LRRC4C: variants seen among roughly 807,000 people sequenced by gnomAD.
The protein encoded by LRRC4C is leucine rich repeat containing 4C.
In LRRC4C, 5 loss-of-function variants were observed where a neutral mutation model predicts 33.6. That is an observed-to-expected ratio of 0.15 (90% CI 0.08 to 0.31). LRRC4C has a LOEUF of 0.31. LRRC4C is among the 10% of genes least tolerant of loss of function. The pLI is 1.00. For missense variants in LRRC4C, 560 were observed against 796.7 expected, an observed-to-expected ratio of 0.70 and a Z score of 3.58; for synonymous variants, 329 against 302.0, an observed-to-expected ratio of 1.09 and a Z score of -0.93.
chr11:40,782,402 C>T lies in LRRC4C; in HGVS notation c.-406-134124G>A, dbSNP rs151155445. ...GATGAGAATGAACACACCATTATCTCCTAGTCTTCTCTGGCCCACAGCTCC... is the reference window on the plus strand; with the variant it reads ...GATGAGAATGAACACACCATTATCTTCTAGTCTTCTCTGGCCCACAGCTCC... On this transcript the variant is annotated intron_variant, in intron 2 of 6. Transcript: ENST00000528697. 1.8e-3 allele frequency among the ~76,000 whole-genome samples: 277 copies of T among 151,896 alleles called. 2 individuals carry two copies. Among genetic ancestry groups the T allele is most frequent in the African/African-American group, 6.6e-3 (274 of 41,456 alleles).
chr11:41,413,689 G>T (rs569850327), intron 1 of LRRC4C, among the ~76,000 whole-genome samples: 1 of 152,248 alleles, frequency 6.6e-6, no homozygotes, highest in African/African-American at 2.4e-5. Flanking sequence ...CACTGGTCCA[G>T]AAATAAACAC....
At chr11:41,261,116 C>CT (rs1948969518) in intron 1 of LRRC4C, among the ~76,000 whole-genome samples, 1 of 151,986 alleles carries the variant, frequency 6.6e-6, no homozygotes, top group African/African-American at 2.4e-5. Flanking sequence ...GACATAGGGC[C>CT]TTTAGGTGGT....
At chr11:40,749,659 A>G (rs1165108600) in intron 2 of LRRC4C, among the ~76,000 whole-genome samples, 11 of 151,254 alleles carry the variant, frequency 7.3e-5, no homozygotes, top group Non-Finnish European at 1.2e-4. Context: ...AAAAAAAAAA[A>G]GGAAAAAGGA....
chr11:40,227,075 C>G (rs1864852936), intron 5 of LRRC4C, among the ~76,000 whole-genome samples: 1 of 152,156 alleles, frequency 6.6e-6, no homozygotes, highest in Non-Finnish European at 1.5e-5. Context: ...TGAAACACAG[C>G]ACACTGAGAA....
chr11:40,711,262 C>T (rs1946451052), intron 2 of LRRC4C, among the ~76,000 whole-genome samples: 1 of 152,124 alleles, frequency 6.6e-6, no homozygotes, highest in African/African-American at 2.4e-5. Flanking sequence ...CAGAAATCAC[C>T]CGTCTTCTGC....
intron 1 of LRRC4C, among the ~76,000 whole-genome samples, chr11:41,111,394 T>C (rs1424304827): frequency 6.6e-6 from 1 of 152,056 alleles, no homozygotes; most frequent in Non-Finnish European, 1.5e-5. Context: ...GAATCAATCT[T>C]ATTTTCTGTG....
intron 1 of LRRC4C, among the ~76,000 whole-genome samples, chr11:41,287,059 A>C (rs1015065063): frequency 3.3e-5 from 5 of 152,202 alleles, no homozygotes; most frequent in Admixed American, 2.0e-4. Flanking sequence ...TGATATTTTA[A>C]AGAATTTTCT....
At chr11:40,543,901 A>T (rs12280324) in intron 3 of LRRC4C, among the ~76,000 whole-genome samples, 16,220 of 151,986 alleles carry the variant, frequency 0.11, 1,849 homozygotes, top group African/African-American at 0.29. Flanking sequence ...ATTCCTGGAA[A>T]CTTTTATTTA....
intron 2 of LRRC4C, among the ~76,000 whole-genome samples, chr11:40,932,163 A>T (rs559814915): frequency 2.0e-5 from 3 of 152,282 alleles, no homozygotes; most frequent in Non-Finnish European, 2.9e-5. Context: ...ACTGTTGGTT[A>T]TCTTGGTGAG....
chr11:40,924,099 T>C (rs1464298891), intron 2 of LRRC4C, among the ~76,000 whole-genome samples: 2 of 123,134 alleles, frequency 1.6e-5, no homozygotes, highest in Non-Finnish European at 3.7e-5. Context: ...TGTGTGTGTG[T>C]ATGTGTGTGT....
At chr11:40,613,493 T>C (rs1961444112) in intron 3 of LRRC4C, among the ~76,000 whole-genome samples, 1 of 151,874 alleles carries the variant, frequency 6.6e-6, no homozygotes, top group African/African-American at 2.4e-5. Context: ...GTTCTCCTGC[T>C]CTTTCCATCA....
chr11:40,614,666 T>C (rs1159516202), intron 3 of LRRC4C, among the ~76,000 whole-genome samples: 2 of 151,746 alleles, frequency 1.3e-5, no homozygotes, highest in African/African-American at 4.8e-5. Context: ...GCTTAATCAT[T>C]TCCAGTTTCT....
At chr11:40,235,360 AT>A (rs1865484857) in intron 5 of LRRC4C, among the ~76,000 whole-genome samples, 1 of 152,224 alleles carries the variant, frequency 6.6e-6, no homozygotes, top group Admixed American at 6.5e-5. Context: ...ATTTTCACAG[AT>A]TACTTTTCTA....
chr11:40,769,966 C>A (rs1949674202), intron 2 of LRRC4C, among the ~76,000 whole-genome samples: 1 of 151,966 alleles, frequency 6.6e-6, no homozygotes, highest in Non-Finnish European at 1.5e-5. Context: ...TATCCCCAAC[C>A]AGAGAAAATA....
At chr11:40,705,322 C>T (rs1004123859) in intron 2 of LRRC4C, among the ~76,000 whole-genome samples, 1 of 151,964 alleles carries the variant, frequency 6.6e-6, no homozygotes, top group Non-Finnish European at 1.5e-5. Flanking sequence ...TCGTCATTCA[C>T]ATTAGGTATT....
intron 3 of LRRC4C, among the ~76,000 whole-genome samples, chr11:40,506,113 T>C (rs898386759): frequency 6.6e-6 from 1 of 152,190 alleles, no homozygotes; most frequent in Non-Finnish European, 1.5e-5. Context: ...ATACATTCCC[T>C]ATGCTCTTCA....
intron 1 of LRRC4C, among the ~76,000 whole-genome samples, chr11:41,153,977 G>C (rs1000202899): frequency 1.3e-5 from 2 of 151,920 alleles, no homozygotes; most frequent in African/African-American, 4.9e-5. Flanking sequence ...GTGGCCACAA[G>C]TCAAGCAACG....
rs1477775309 is a variant in LRRC4C, at chr11:40,185,635, T to C, written c.-95-44782A>G. ...CACTGTGCTAGAATTTTTAAATATT[T>C]TATATTAAAATAATCATCAATATGT... On this transcript the variant is annotated intron_variant, in intron 5 of 6. Transcript: ENST00000528697. Among the ~76,000 whole-genome samples, 3 of 152,182 alleles carry C rather than the reference T, an allele frequency of 2.0e-5. 1 individual carries two copies. In the East Asian group the frequency reaches 5.8e-4, roughly 29 times the overall value.
intron 2 of LRRC4C, among the ~76,000 whole-genome samples, chr11:40,713,825 G>A (rs992757291): frequency 4.6e-5 from 7 of 152,164 alleles, no homozygotes; most frequent in Non-Finnish European, 1.0e-4. Context: ...CAAAGAGACT[G>A]TAGAAGACAT....
Sources: allele counts gnomAD v4.1 joint callset (sites outside exome capture counted in the v4.1 genomes callset), GRCh38; gene constraint gnomAD v4.1.1; transcripts MANE v1.5; gene names NCBI Gene and HGNC (gene_info 2026-07-23, HGNC 2026-07-21).